Variants in FERMT1 observed in about 807,000 individuals in gnomAD.
FERMT1 encodes fermitin family homolog 1.
In FERMT1, 60 loss-of-function variants were observed where a neutral mutation model predicts 85.3. The observed-to-expected ratio is 0.70, with a 90% CI of 0.57 to 0.87. The LOEUF is 0.87. Among genes scored for constraint, FERMT1 ranks in the 40% least tolerant of loss-of-function variants. The probability of loss-of-function intolerance (pLI) is 0.00; values close to 1 mark genes in which losing one functional copy is unlikely to be tolerated. For synonymous variants in FERMT1, 275 were observed against 301.1 expected, an observed-to-expected ratio of 0.91 and a Z score of 0.90; for missense variants, 701 against 818.9, an observed-to-expected ratio of 0.86 and a Z score of 1.76.
At chr20:6,080,809 C>A (rs1488045629) in intron 13 of FERMT1, among the ~76,000 whole-genome samples, 1 of 152,198 alleles carries the variant, frequency 6.6e-6, no homozygotes, top group African/African-American at 2.4e-5. Flanking sequence ...AGATCCGGAA[C>A]TTTGGACATG....
rs1387141779 is a variant in FERMT1, at chr20:6,097,640, A to C, written c.850-9T>G. 6.4e-7 allele frequency: 1 copy of C among 1,571,878 alleles called. No homozygotes were observed. The highest frequency in any genetic ancestry group is 1.7e-5 in the Admixed American group (1 of 59,980). ...ATTCGGACAGCATCATACTAGAGAC[A>C]AAAACAGAGGTGTGTGTGTAATGAG... On this transcript the variant is annotated splice_polypyrimidine_tract_variant and intron_variant, in intron 6 of 14. Coordinates refer to ENST00000217289, the MANE Select transcript of FERMT1 (RefSeq NM_017671.5).
In FERMT1 at chr20:6,077,126, C is replaced by T. The variant is rs375036096; in HGVS notation, c.*47G>A. 5.0e-6 allele frequency: 8 copies of T among 1,602,306 alleles called. No individual in the cohort carries two copies. The highest frequency in any genetic ancestry group is 4.0e-5 in the African/African-American group (3 of 74,636). ...CGTTAGGGATCCCTCTGGGGAGGGG[C>T]GCCTTTGGCTTGCCTTGTTGGTGTG... On this transcript the variant is annotated 3_prime_UTR_variant, in exon 15 of 15. Transcript: ENST00000217289.
At chr20:6,105,155 C>T (rs1157818048) in intron 6 of FERMT1, among the ~76,000 whole-genome samples, 1 of 152,178 alleles carries the variant, frequency 6.6e-6, no homozygotes, top group Non-Finnish European at 1.5e-5. Flanking sequence ...AGAAAAAAAT[C>T]CACAGATGTG....
chr20:6,090,369 A>G (rs575211673), intron 9 of FERMT1, among the ~76,000 whole-genome samples: 70 of 152,256 alleles, frequency 4.6e-4, no homozygotes, highest in African/African-American at 1.6e-3. Flanking sequence ...CACCACGCCC[A>G]GCTGGGACAA....
At position 6,122,694 on chromosome 20, in the gene FERMT1, C is replaced by G. The variant is rs7265879; in HGVS notation, c.-19+80G>C. The G allele has an allele frequency of 0.098, 14,892 of 152,374 alleles. 1,073 individuals are homozygous for G. The highest frequency in any genetic ancestry group is 0.2 in the African/African-American group (8,188 of 41,550). The allele number at this position is 152,374 out of a possible 1,614,324, so 9.4% of individuals were successfully genotyped here. On this transcript the variant is annotated intron_variant, in intron 1 of 14. Coordinates refer to ENST00000217289, the MANE Select transcript of FERMT1 (RefSeq NM_017671.5). ...ACAAGAGGCTGCAGAAAGAAAGGGG[C>G]TAAGGGGGCTCAGGAGCCACTGGTG...
intron 12 of FERMT1, 82 bp from the exon 13 acceptor site, chr20:6,084,246 G>T: frequency 6.8e-7 from 1 of 1,469,968 alleles, no homozygotes; most frequent in South Asian, 1.2e-5. Context: ...TCCCCCATAA[G>T]AACAATACAC....
intron 8 of FERMT1, 38 bp from the exon 9 acceptor site, chr20:6,095,026 T>C (rs1982464211): frequency 1.7e-6 from 2 of 1,152,034 alleles, no homozygotes; most frequent in Non-Finnish European, 2.6e-6. Flanking sequence ...AGCAGGAACT[T>C]CATAAGTGAT....
rs147000623 is a variant in FERMT1 at position 6,099,700 on chromosome 20, C to T, written c.850-2069G>A. ...GCCCAACCTGGGCAATGTAGCAAGA[C>T]TCTTGTCTCTATTTTTTTAAAAAAG... On this transcript the variant is annotated intron_variant, in intron 6 of 14. Coordinates refer to ENST00000217289, the MANE Select transcript of FERMT1 (RefSeq NM_017671.5). Among the ~76,000 whole-genome samples, 51 of 151,040 alleles carry T rather than the reference C, an allele frequency of 3.4e-4. 1 individual carries two copies. The East Asian group carries it at 9.0e-3, about 27-fold the overall frequency.
chr20:6,097,363 G>C (rs1982534959), intron 7 of FERMT1, among the ~76,000 whole-genome samples, 161 bp downstream of exon 7: 1 of 152,112 alleles, frequency 6.6e-6, no homozygotes, highest in Admixed American at 6.6e-5. Flanking sequence ...GTTCTGGTCT[G>C]AAGAAGAAAG....
intron 13 of FERMT1, 56 bp from the exon 14 acceptor site, chr20:6,079,633 T>C: frequency 6.8e-7 from 1 of 1,473,860 alleles, no homozygotes. Context: ...TAATACAATG[T>C]TCACTCACAT....
intron 2 of FERMT1, among the ~76,000 whole-genome samples, chr20:6,117,337 C>T (rs1197689166): frequency 1.3e-5 from 2 of 151,908 alleles, no homozygotes; most frequent in Non-Finnish European, 1.5e-5. Flanking sequence ...GGCATGATCT[C>T]GGCTCACTGC....
chr20:6,109,697 C>T lies in FERMT1; in HGVS notation c.746+601G>A, dbSNP rs149806201. Among the ~76,000 whole-genome samples the T allele has an allele frequency of 5.1e-3, 777 of 152,056 alleles. 4 individuals are homozygous for T. Among genetic ancestry groups the T allele is most frequent in the African/African-American group, 0.018 (732 of 41,484 alleles). On this transcript the variant is annotated intron_variant, in intron 5 of 14. Coordinates refer to ENST00000217289, the MANE Select transcript of FERMT1 (RefSeq NM_017671.5). ...GGCAGATTACCTGAGGTCAGGAGTT[C>T]GAGACCAGCCTGACCAACATGGAGA...
At chr20:6,118,045 T>C (rs1371753069) in intron 2 of FERMT1, among the ~76,000 whole-genome samples, 1 of 151,100 alleles carries the variant, frequency 6.6e-6, no homozygotes, top group Non-Finnish European at 1.5e-5. Context: ...GCATTTTTTT[T>C]CTCTGAACTA....
intron 13 of FERMT1, among the ~76,000 whole-genome samples, chr20:6,082,259 A>G (rs1308801899): frequency 6.6e-6 from 1 of 152,212 alleles, no homozygotes; most frequent in Non-Finnish European, 1.5e-5. Flanking sequence ...TTCACCACGT[A>G]TCAGGCACTT....
chr20:6,108,002 G>T (rs190607357), intron 5 of FERMT1, among the ~76,000 whole-genome samples: 2 of 152,242 alleles, frequency 1.3e-5, no homozygotes, highest in East Asian at 3.9e-4. Context: ...AGTAGCTGGG[G>T]CTACAGGTGC....
At chr20:6,100,335 A>G (rs923055742) in intron 6 of FERMT1, among the ~76,000 whole-genome samples, 2 of 152,228 alleles carry the variant, frequency 1.3e-5, no homozygotes, top group Non-Finnish European at 2.9e-5. Context: ...TAAGTGAAAA[A>G]AATTATTCAT....
rs1244944457 is a variant in FERMT1, at chr20:6,075,054, T to TG, written c.*2118_*2119insC. ...GAACAGTAGCATTTAGGTTTGTTTT[T>TG]TTTTTTTTTTGTCACACTTGTTTAT... On this transcript the variant is annotated 3_prime_UTR_variant, in exon 15 of 15. Transcript: ENST00000217289. 14 of 151,692 alleles carry TG rather than the reference T, an allele frequency of 9.2e-5. No homozygotes were observed. The South Asian group carries it at 2.9e-3, about 32-fold the overall frequency. 9.4% of individuals were successfully genotyped at this position (151,692 alleles called of 1,614,324 possible).
intron 5 of FERMT1, among the ~76,000 whole-genome samples, chr20:6,107,870 T>A (rs1982841957): frequency 6.6e-6 from 1 of 152,090 alleles, no homozygotes; most frequent in Non-Finnish European, 1.5e-5. Context: ...TCTGCTTTGT[T>A]TTGTTTTGTT....
chr20:6,076,872 C>A lies in FERMT1; in HGVS notation c.*301G>T. 2.1e-6 allele frequency: 1 copy of A among 468,824 alleles called. No individual in the cohort carries two copies. Among genetic ancestry groups the A allele is most frequent in the Non-Finnish European group, 3.9e-6 (1 of 255,014 alleles). The allele number at this position is 468,824 out of a possible 1,614,324, so 29.0% of individuals were successfully genotyped here. On this transcript the variant is annotated 3_prime_UTR_variant, in exon 15 of 15. Transcript: ENST00000217289. ...CTTGTAGCCATACACCTGGCAGGTT[C>A]TGCAAGTCAGAGAACTGTAACCACA...
Sources: allele counts gnomAD v4.1 joint callset (sites outside exome capture counted in the v4.1 genomes callset), GRCh38; gene constraint gnomAD v4.1.1; transcripts MANE v1.5; gene names NCBI Gene and HGNC (gene_info 2026-07-23, HGNC 2026-07-21).